The following DLGAP4 variants were observed in gnomAD, a reference collection of about 807,000 sequenced individuals.
DLGAP4 encodes the protein disks large-associated protein 4.
A neutral mutation model predicts 86.9 loss-of-function variants in DLGAP4; 18 were observed. The observed-to-expected ratio is 0.21, with a 90% CI of 0.14 to 0.31. The LOEUF (loss-of-function observed/expected upper bound fraction) is 0.31. Among genes scored for constraint, DLGAP4 ranks in the 10% least tolerant of loss-of-function variants. The pLI is 1.00. For missense variants in DLGAP4, 1,085 were observed against 1,362.6 expected (o/e 0.80, Z 3.21); for synonymous variants, 548 against 574.3 (o/e 0.95, Z 0.65).
At chr20:36,337,785 C>A (rs1353064662) in intron 1 of DLGAP4, among the ~76,000 whole-genome samples, 1 of 152,200 alleles carries the variant, frequency 6.6e-6, no homozygotes, top group Admixed American at 6.5e-5. Flanking sequence ...GGGAGAAGGC[C>A]TAGGCTGGTT....
At chr20:36,317,275 CT>C (rs1187191668) in intron 1 of DLGAP4, among the ~76,000 whole-genome samples, 864 of 8,472 alleles carry the variant, frequency 0.1, 21 homozygotes, top group African/African-American at 0.24. Flanking sequence ...TTCTTTCTTT[CT>C]TATCTTTCTT....
At chr20:36,371,416 G>A (rs762938122) in intron 2 of DLGAP4, among the ~76,000 whole-genome samples, 1 of 152,238 alleles carries the variant, frequency 6.6e-6, no homozygotes, top group Non-Finnish European at 1.5e-5. Context: ...AGACTCCATT[G>A]GTGCAGTGAG....
At chr20:36,523,903 T>G (rs975238757) in intron 10 of DLGAP4, among the ~76,000 whole-genome samples, 1 of 152,118 alleles carries the variant, frequency 6.6e-6, no homozygotes, top group Non-Finnish European at 1.5e-5. Context: ...CCTCAGGTGA[T>G]CTGCCTCAGC....
chr20:36,442,722 T>C lies in DLGAP4; in HGVS notation c.1357-5T>C, dbSNP rs1312881665. On this transcript the variant is annotated splice_polypyrimidine_tract_variant and splice_region_variant and intron_variant, in intron 5 of 12. Transcript: ENST00000339266. ...TCCATAACCCTCACCCTCTCTTTCC[T>C]GCAGATTTTTGGACAGGCCTCCCTG... 5 of 1,614,006 alleles carry C rather than the reference T, an allele frequency of 3.1e-6. No homozygotes were observed. The East Asian group carries it at 6.7e-5, about 22-fold the overall frequency.
In DLGAP4 at chr20:36,340,736, C is replaced by T. The variant is rs2065370951; in HGVS notation, c.-303-26309C>T. On this transcript the variant is annotated intron_variant, in intron 1 of 12. Coordinates refer to ENST00000339266, the MANE Select transcript of DLGAP4 (RefSeq NM_001365621.2). ...CCCAGACTAGGCCTCCCTCTGGCATCCCTCCGGAGACCCCAGGGGTCCCCC... is the reference window on the plus strand; with the variant it reads ...CCCAGACTAGGCCTCCCTCTGGCATTCCTCCGGAGACCCCAGGGGTCCCCC... Among the ~76,000 whole-genome samples the T allele has an allele frequency of 2.0e-5, 3 of 152,208 alleles. No individual in the cohort carries two copies. In the South Asian group the frequency reaches 6.2e-4, roughly 31 times the overall value.
chr20:36,499,045 G>T (rs759057719), intron 8 of DLGAP4: 1 of 574,356 alleles, frequency 1.7e-6, no homozygotes, highest in African/African-American at 1.9e-5. Flanking sequence ...TAGAACTGCC[G>T]TCCAGGGTTT....
At chr20:36,360,992 G>C (rs903032294) in intron 1 of DLGAP4, among the ~76,000 whole-genome samples, 2 of 152,012 alleles carry the variant, frequency 1.3e-5, no homozygotes, top group South Asian at 4.2e-4. Flanking sequence ...AGGTCAGTAT[G>C]GGTGGTGATT....
In DLGAP4 at chr20:36,489,694, A is replaced by G. The variant is rs547415668; in HGVS notation, c.1649-7011A>G. ...GGGGGCATCTGTGGTAGTCTCAGGG[A>G]GGCTGGCTCCAGATCACGGGGAGAA... On this transcript the variant is annotated intron_variant, in intron 7 of 12. Coordinates refer to ENST00000339266, the MANE Select transcript of DLGAP4 (RefSeq NM_001365621.2). Among the ~76,000 whole-genome samples the G allele has an allele frequency of 3.0e-3, 460 of 151,914 alleles. 3 individuals carry two copies. Among genetic ancestry groups the G allele is most frequent in the African/African-American group, 0.011 (445 of 41,446 alleles).
intron 7 of DLGAP4, among the ~76,000 whole-genome samples, chr20:36,475,036 G>T (rs1339689012): frequency 2.0e-5 from 3 of 152,084 alleles, no homozygotes; most frequent in Admixed American, 6.5e-5. Context: ...GGATGGGAAG[G>T]AGGCAGTCAA....
At position 36,358,096 on chromosome 20, in the gene DLGAP4, C is replaced by T. The variant is rs1470914256; in HGVS notation, c.-303-8949C>T. 1.2e-4 allele frequency among the ~76,000 whole-genome samples: 18 copies of T among 152,306 alleles called. 1 individual carries two copies. The highest frequency in any genetic ancestry group is 2.9e-4 in the African/African-American group (12 of 41,568). ...TGTATGGTTCTTGGCTGCCATGTCC[C>T]GGGGTTTAGGGCTGTGGCCCATACT... On this transcript the variant is annotated intron_variant, in intron 1 of 12. Transcript: ENST00000339266.
At chr20:36,470,071 T>G (rs2034592070) in intron 7 of DLGAP4, among the ~76,000 whole-genome samples, 1 of 152,116 alleles carries the variant, frequency 6.6e-6, no homozygotes, top group Admixed American at 6.5e-5. Flanking sequence ...AGCCCCTTCC[T>G]TTCCCATGAG....
chr20:36,489,712 G>C (rs566016894), intron 7 of DLGAP4, among the ~76,000 whole-genome samples: 2 of 152,092 alleles, frequency 1.3e-5, no homozygotes, highest in South Asian at 4.1e-4. Flanking sequence ...TCCAGATCAC[G>C]GGGAGAAGGT....
At chr20:36,382,857 G>T (rs553981239) in intron 2 of DLGAP4, among the ~76,000 whole-genome samples, 4 of 151,962 alleles carry the variant, frequency 2.6e-5, no homozygotes, top group Admixed American at 6.6e-5. Flanking sequence ...AGCAAAATGG[G>T]TATAATTGTC....
chr20:36,351,122 G>A (rs1420126992), intron 1 of DLGAP4, among the ~76,000 whole-genome samples: 3 of 152,204 alleles, frequency 2.0e-5, no homozygotes, highest in African/African-American at 7.2e-5. Flanking sequence ...GTGGTTGGGG[G>A]CCCCCCTGCC....
At chr20:36,405,057 G>T (rs2032277647) in intron 2 of DLGAP4, among the ~76,000 whole-genome samples, 1 of 152,242 alleles carries the variant, frequency 6.6e-6, no homozygotes, top group Admixed American at 6.5e-5. Flanking sequence ...AGCCAGGAGG[G>T]AGTGTGTCCT....
At chr20:36,320,363 G>A (rs2065156062) in intron 1 of DLGAP4, among the ~76,000 whole-genome samples, 1 of 151,588 alleles carries the variant, frequency 6.6e-6, no homozygotes, top group Non-Finnish European at 1.5e-5. Context: ...CGACATTCAA[G>A]GTGGCAGCTT....
intron 1 of DLGAP4, among the ~76,000 whole-genome samples, chr20:36,307,438 T>G (rs536126535): frequency 8.3e-4 from 127 of 152,118 alleles, no homozygotes; most frequent in African/African-American, 2.6e-3. Context: ...CATCCCTCCA[T>G]CCCTCCGGCC....
chr20:36,508,128 T>C (rs1259816348), intron 10 of DLGAP4: 1 of 152,198 alleles, frequency 6.6e-6, no homozygotes, highest in Non-Finnish European at 1.5e-5. Flanking sequence ...AGGCGGGGCT[T>C]CAGGTTGAAG....
intron 7 of DLGAP4, among the ~76,000 whole-genome samples, chr20:36,477,435 T>TA (rs1475862659): frequency 1.3e-5 from 2 of 152,232 alleles, no homozygotes; most frequent in African/African-American, 4.8e-5. Flanking sequence ...TAAGCTTATG[T>TA]GTGGCCTTAT....
Sources: gnomAD v4.1 joint callset for allele counts (sites outside exome capture counted in the v4.1 genomes callset) on GRCh38, gnomAD v4.1.1 for gene constraint, MANE v1.5 for transcripts, NCBI Gene and HGNC (gene_info 2026-07-23, HGNC 2026-07-21) for gene names.